Variants in COL28A1 observed in about 807,000 individuals in gnomAD.
COL28A1 encodes collagen alpha-1(XXVIII) chain.
A neutral mutation model predicts 150.2 loss-of-function variants in COL28A1; 161 were observed. The observed-to-expected ratio is 1.07, with a 90% CI of 0.94 to 1.22. The LOEUF (loss-of-function observed/expected upper bound fraction) is 1.22. Among genes scored for constraint, COL28A1 ranks in the 50% most tolerant of loss-of-function variants. COL28A1 has a pLI of 0.00. For synonymous variants in COL28A1, 552 were observed against 469.7 expected, an observed-to-expected ratio of 1.18 and a Z score of -2.26; for missense variants, 1,617 against 1,388.3, an observed-to-expected ratio of 1.16 and a Z score of -2.62.
At chr7:7,511,058 C>T (rs748455672) in intron 9 of COL28A1, 33 bp downstream of exon 9, 1 of 1,592,428 alleles carries the variant, frequency 6.3e-7, no homozygotes, top group Non-Finnish European at 8.6e-7. Flanking sequence ...AAAGGGATCA[C>T]AGCTGTAAGC....
chr7:7,505,257 G>T (rs977525192), intron 11 of COL28A1, among the ~76,000 whole-genome samples: 1 of 152,124 alleles, frequency 6.6e-6, no homozygotes, highest in Non-Finnish European at 1.5e-5. Flanking sequence ...GTCAGTTGAG[G>T]ATGGCATCTT....
chr7:7,532,715 G>C, intron 2 of COL28A1, 37 bp downstream of exon 2: 1 of 1,585,626 alleles, frequency 6.3e-7, no homozygotes, highest in South Asian at 1.2e-5. Context: ...ATTTTTAACA[G>C]GCTAAACTTA....
chr7:7,440,930 C>A, intron 20 of COL28A1, 69 bp from the exon 21 acceptor site: 1 of 777,458 alleles, frequency 1.3e-6, no homozygotes, highest in Non-Finnish European at 2.3e-6. Context: ...CTAGCAAGGA[C>A]CATAGCGGAG....
rs1218018914 is a variant in COL28A1 at position 7,506,764 on chromosome 7, C to A, written c.972+353G>T. Among the ~76,000 whole-genome samples, 4 of 152,152 alleles carry A rather than the reference C, an allele frequency of 2.6e-5. No homozygotes were observed. The East Asian group carries it at 7.7e-4, about 29-fold the overall frequency. ...TAGATAAAATGCATAACTTTTCCAACTACATTATAGTAGCAGTGCAAAAAT... is the reference window on the plus strand; with the variant it reads ...TAGATAAAATGCATAACTTTTCCAAATACATTATAGTAGCAGTGCAAAAAT... On this transcript the variant is annotated intron_variant, in intron 10 of 34. Transcript: ENST00000399429.
chr7:7,419,337 G>A (rs1207961665), intron 26 of COL28A1, among the ~76,000 whole-genome samples: 1 of 152,054 alleles, frequency 6.6e-6, no homozygotes, highest in African/African-American at 2.4e-5. Context: ...CTGAAGCCAG[G>A]GAAGGGAAAC....
upstream of COL28A1, among the ~76,000 whole-genome samples, chr7:7,538,597 T>G (rs912344567): frequency 5.9e-5 from 9 of 152,326 alleles, no homozygotes; most frequent in African/African-American, 2.2e-4. Context: ...GCATTGTGTT[T>G]ATTGATTCTA....
chr7:7,430,926 T>C (rs1784927122), intron 25 of COL28A1, among the ~76,000 whole-genome samples: 1 of 152,242 alleles, frequency 6.6e-6, no homozygotes, highest in Non-Finnish European at 1.5e-5. Context: ...TTGTCCTGTC[T>C]GTACAGTGTA....
chr7:7,432,515 A>G lies in COL28A1; in HGVS notation c.1956T>C (p.Pro652=), dbSNP rs967888026. ...CCACTCCACGTAAACCCATCGGCCCAGGGGGTCCTGGTAATCCACGAGGTC... is the reference window on the plus strand; with the variant it reads ...CCACTCCACGTAAACCCATCGGCCCGGGGGGTCCTGGTAATCCACGAGGTC... ...VPGPRGLPGP[P]GPMGLRGVGD... is the part of the protein sequence containing the mutation. The change falls in exon 25 of 35, where the codon CCT becomes CCC. Residue 652 remains proline, a synonymous_variant. Coordinates refer to ENST00000399429, the MANE Select transcript of COL28A1 (RefSeq NM_001037763.3). 1.2e-6 allele frequency: 2 copies of G among 1,614,076 alleles called. No individual in the cohort carries two copies. Among genetic ancestry groups the G allele is most frequent in the Non-Finnish European group, 8.5e-7 (1 of 1,179,974 alleles).
the COL28A1 span, among the ~76,000 whole-genome samples, chr7:7,348,848 G>A: frequency 6.6e-6 from 1 of 152,000 alleles, no homozygotes; most frequent in Non-Finnish European, 1.5e-5. Flanking sequence ...GCTCAGGTGA[G>A]CCTTCTGTCT....
chr7:7,448,470 A>AT (rs140527290), intron 18 of COL28A1, among the ~76,000 whole-genome samples: 7,761 of 150,090 alleles, frequency 0.052, 695 homozygotes, highest in African/African-American at 0.18. Flanking sequence ...ATAAGCAAAG[A>AT]TTTTTTTTTT....
At chr7:7,443,474 G>A in intron 20 of COL28A1, 111 bp downstream of exon 20, 1 of 1,501,416 alleles carries the variant, frequency 6.7e-7, no homozygotes. Context: ...TTTTAAGCCA[G>A]ACATAAACAC....
intron 11 of COL28A1, among the ~76,000 whole-genome samples, chr7:7,493,801 G>A (rs941630217): frequency 6.6e-5 from 10 of 151,806 alleles, no homozygotes; most frequent in African/African-American, 1.9e-4. Flanking sequence ...CTGGTAAGAC[G>A]GCAGGCATGA....
intron 25 of COL28A1, among the ~76,000 whole-genome samples, chr7:7,429,489 G>A (rs1399423693): frequency 1.3e-5 from 2 of 150,788 alleles, no homozygotes; most frequent in African/African-American, 4.9e-5. Flanking sequence ...GGGGGATGGT[G>A]TGTGTGTATG....
At chr7:7,371,715 C>T (rs1317263768) in intron 32 of COL28A1, among the ~76,000 whole-genome samples, 1 of 152,148 alleles carries the variant, frequency 6.6e-6, no homozygotes, top group African/African-American at 2.4e-5. Flanking sequence ...TTAATCATAG[C>T]TTAAATTAGA....
intron 31 of COL28A1, 55 bp downstream of exon 31, chr7:7,375,406 G>T: frequency 6.6e-7 from 1 of 1,513,596 alleles, no homozygotes; most frequent in Non-Finnish European, 9.0e-7. Context: ...CACCAGCACA[G>T]TACATAGTGG....
In COL28A1 at chr7:7,414,146, T is replaced by C. The variant is rs563414566; in HGVS notation, c.2136+3713A>G. On this transcript the variant is annotated intron_variant, in intron 27 of 34. Coordinates refer to ENST00000399429, the MANE Select transcript of COL28A1 (RefSeq NM_001037763.3). ...CTGGGTGGTGCACCCTCTGATCACA[T>C]CCCTCCTGGCCTCACAATGGCTACT... Among the ~76,000 whole-genome samples the C allele has an allele frequency of 2.0e-5, 3 of 152,272 alleles. No homozygotes were observed. The East Asian group carries it at 5.8e-4, about 29-fold the overall frequency.
chr7:7,384,978 G>A (rs1782096221), intron 27 of COL28A1, among the ~76,000 whole-genome samples: 2 of 152,184 alleles, frequency 1.3e-5, no homozygotes, highest in Admixed American at 6.5e-5. Flanking sequence ...TGCTCTAATA[G>A]GAGTGGATCT....
intron 13 of COL28A1, among the ~76,000 whole-genome samples, chr7:7,485,131 A>T (rs1411184358): frequency 1.3e-5 from 2 of 152,196 alleles, no homozygotes; most frequent in Non-Finnish European, 2.9e-5. Flanking sequence ...CTCAAATAAA[A>T]GTTAATAAAA....
At chr7:7,453,394 A>G (rs1225566461) in intron 17 of COL28A1, 46 bp downstream of exon 17, 6 of 882,940 alleles carry the variant, frequency 6.8e-6, no homozygotes, top group Non-Finnish European at 1.2e-5. Flanking sequence ...GAAAACAGCA[A>G]TTATACTATA....
Sources: gnomAD v4.1 joint callset for allele counts (sites outside exome capture counted in the v4.1 genomes callset) on GRCh38, gnomAD v4.1.1 for gene constraint, MANE v1.5 for transcripts, NCBI Gene and HGNC (gene_info 2026-07-23, HGNC 2026-07-21) for gene names.